Variants in KIAA1549L observed in about 807,000 individuals in gnomAD.
KIAA1549L encodes the protein UPF0606 protein KIAA1549L.
KIAA1549L carries 88 observed loss-of-function variants against 160.7 expected under a neutral mutation model. The ratio of observed to expected loss-of-function variants is 0.55; its 90% CI spans 0.46 to 0.65. KIAA1549L has a LOEUF of 0.65. Ranked by LOEUF, KIAA1549L falls within the 30% of genes least tolerant of loss-of-function variation. The probability of loss-of-function intolerance (pLI) is 0.00; values close to 1 mark genes in which losing one functional copy is unlikely to be tolerated. For synonymous variants in KIAA1549L, 950 were observed against 976.7 expected, an observed-to-expected ratio of 0.97 and a Z score of 0.51; for missense variants, 2,258 against 2,437.5, an observed-to-expected ratio of 0.93 and a Z score of 1.55.
At chr11:33,588,107 T>G (rs1307020617) in intron 11 of KIAA1549L, among the ~76,000 whole-genome samples, 1 of 152,212 alleles carries the variant, frequency 6.6e-6, no homozygotes, top group Non-Finnish European at 1.5e-5. Context: ...TGGGAACTCA[T>G]GATAATACCT....
At chr11:33,452,596 A>G (rs900659845) in intron 1 of KIAA1549L, among the ~76,000 whole-genome samples, 4 of 151,764 alleles carry the variant, frequency 2.6e-5, no homozygotes. Flanking sequence ...TGACAGAGTG[A>G]GACTCCATCT....
At chr11:33,647,160 C>T (rs967200575) in intron 17 of KIAA1549L, among the ~76,000 whole-genome samples, 4 of 151,956 alleles carry the variant, frequency 2.6e-5, no homozygotes, top group Non-Finnish European at 4.4e-5. Context: ...CAAGATGGGC[C>T]GATCACTTGA....
intron 9 of KIAA1549L, among the ~76,000 whole-genome samples, chr11:33,571,269 GAGACTCTGTGGTGACAGAGCA>G (rs1413761120): frequency 6.6e-6 from 1 of 152,170 alleles, no homozygotes; most frequent in African/African-American, 2.4e-5. Context: ...GTGACAGAGC[GAGACTCTGTGGTGACAGAGCA>G]AGACTGTCTC....
chr11:33,659,912 T>G (rs1852202547), intron 19 of KIAA1549L, among the ~76,000 whole-genome samples: 2 of 152,206 alleles, frequency 1.3e-5, no homozygotes, highest in Non-Finnish European at 2.9e-5. Flanking sequence ...GGTGGAGGTC[T>G]GCTGCTCCCC....
intron 16 of KIAA1549L, among the ~76,000 whole-genome samples, chr11:33,624,917 C>A (rs1851059087): frequency 8.4e-6 from 1 of 119,318 alleles, no homozygotes; most frequent in African/African-American, 3.1e-5. Flanking sequence ...CCTCCCCCCA[C>A]CCCACAACAG....
rs1851103776 is a variant in KIAA1549L, at chr11:33,626,064, A to G, written c.5409+7402A>G. ...TTCTCAGGTTTGTCAAAGATCAGAT[A>G]GTTGTAGATATGCGGCATGATTTCT... On this transcript the variant is annotated intron_variant, in intron 16 of 20. Coordinates refer to ENST00000658780, the MANE Select transcript of KIAA1549L (RefSeq NM_012194.3). Among the ~76,000 whole-genome samples the G allele has an allele frequency of 3.3e-5, 5 of 150,736 alleles. No homozygotes were observed. The South Asian group carries it at 1.0e-3, about 32-fold the overall frequency.
intron 20 of KIAA1549L, among the ~76,000 whole-genome samples, chr11:33,662,290 A>G (rs777018520): frequency 1.3e-5 from 2 of 152,164 alleles, no homozygotes; most frequent in Non-Finnish European, 2.9e-5. Context: ...CACATCTAGT[A>G]ATATGCCCAC....
chr11:33,659,552 T>C (rs2133443228), intron 19 of KIAA1549L, among the ~76,000 whole-genome samples: 1 of 152,366 alleles, frequency 6.6e-6, no homozygotes, highest in African/African-American at 2.4e-5. Flanking sequence ...AAATGAACAT[T>C]GAGGTTTGTA....
Position 33,559,958 on chromosome 11 carries a change from C to G in KIAA1549L, c.4018+47C>G, listed in dbSNP as rs1287157125. ...GGGACCCCAGTGTTTCCCCTGTGGC[C>G]TTTCTCCATTTAGCAAACATTTATA... On this transcript the variant is annotated intron_variant, in intron 7 of 20. Transcript: ENST00000658780. 6.4e-6 allele frequency: 10 copies of G among 1,571,904 alleles called. No individual in the cohort carries two copies. The Admixed American group carries it at 1.5e-4, about 24-fold the overall frequency.
At chr11:33,615,686 T>C (rs2133343701) in intron 15 of KIAA1549L, among the ~76,000 whole-genome samples, 1 of 152,198 alleles carries the variant, frequency 6.6e-6, no homozygotes, top group Middle Eastern at 3.4e-3. Context: ...GTCGACACTT[T>C]TACCTACATT....
intron 6 of KIAA1549L, among the ~76,000 whole-genome samples, chr11:33,552,653 AACACACACACACACAC>A (rs761358417): frequency 6.0e-4 from 79 of 131,518 alleles, no homozygotes; most frequent in African/African-American, 1.5e-3. Flanking sequence ...GACACATGCC[AACACACACACACACAC>A]ACACACACAC....
At chr11:33,637,508 GGCTTCA>G (rs1851467933) in intron 16 of KIAA1549L, among the ~76,000 whole-genome samples, 1 of 152,146 alleles carries the variant, frequency 6.6e-6, no homozygotes, top group South Asian at 2.1e-4. Context: ...TGACAATTAG[GGCTTCA>G]GCTACAAGGT....
At chr11:33,403,354 C>G (rs1379510382) in intron 1 of KIAA1549L, 55 of 61,676 alleles carry the variant, frequency 8.9e-4, no homozygotes, top group African/African-American at 3.0e-3. Context: ...CGCAGACAGA[C>G]ACACACAGAC....
At position 33,647,147 on chromosome 11, in the gene KIAA1549L, G is replaced by A. The variant is rs527311129; in HGVS notation, c.5760+1111G>A. Among the ~76,000 whole-genome samples, 194 of 152,232 alleles carry A rather than the reference G, an allele frequency of 1.3e-3. 1 individual carries two copies. Among genetic ancestry groups the A allele is most frequent in the Admixed American group, 1.4e-3 (22 of 15,288 alleles). On this transcript the variant is annotated intron_variant, in intron 17 of 20. Transcript: ENST00000658780. Reference sequence around the variant, plus strand: ...CACCTATAATCCCAGCACTTTGGGAGGCCAAGATGGGCCGATCACTTGAGC... The same window carrying A: ...CACCTATAATCCCAGCACTTTGGGAAGCCAAGATGGGCCGATCACTTGAGC...
chr11:33,558,205 CAG>C lies in KIAA1549L; in HGVS notation c.3856-1543_3856-1542del, dbSNP rs1177968007. ...GGTCTGGGAAAGACAGGGTGTTAGTCAGTGTCCTGACAGGAAAAGGAGGCTGC... is the reference window on the plus strand; with the variant it reads ...GGTCTGGGAAAGACAGGGTGTTAGTCTGTCCTGACAGGAAAAGGAGGCTGC... On this transcript the variant is annotated intron_variant, in intron 6 of 20. Coordinates refer to ENST00000658780, the MANE Select transcript of KIAA1549L (RefSeq NM_012194.3). Among the ~76,000 whole-genome samples the C allele has an allele frequency of 1.1e-4, 17 of 152,112 alleles. 1 individual carries two copies. The highest frequency in any genetic ancestry group is 1.1e-3 in the Admixed American group (17 of 15,272).
intron 18 of KIAA1549L, 38 bp from the exon 19 acceptor site, chr11:33,658,712 C>T (rs1852153720): frequency 6.4e-7 from 1 of 1,556,154 alleles, no homozygotes; most frequent in Non-Finnish European, 8.7e-7. Flanking sequence ...CGCCTGAGGT[C>T]TGGGACAGTG....
At chr11:33,400,977 T>C (rs1377463461) in intron 1 of KIAA1549L, among the ~76,000 whole-genome samples, 10 of 152,132 alleles carry the variant, frequency 6.6e-5, no homozygotes, top group Non-Finnish European at 1.5e-4. Flanking sequence ...TGTGCTCCTG[T>C]CCACTGCTAA....
chr11:33,670,674 TGA>T lies in KIAA1549L; in HGVS notation c.*2527_*2528del, dbSNP rs922236286. 9.9e-5 allele frequency: 15 copies of T among 152,160 alleles called. No homozygotes were observed. Among genetic ancestry groups the T allele is most frequent in the Middle Eastern group, 3.4e-3 (1 of 294 alleles). The allele number at this position is 152,160 out of a possible 1,614,324, so 9.4% of individuals were successfully genotyped here. A position where few individuals can be genotyped will look rare whatever the true frequency, so the allele number is the denominator to read the frequency against. On this transcript the variant is annotated 3_prime_UTR_variant, in exon 21 of 21. Coordinates refer to ENST00000658780, the MANE Select transcript of KIAA1549L (RefSeq NM_012194.3). ...GAAGAATCTCCTAACCTCATAGAGG[TGA>T]GAGAGATGACTGGACAGCTGACTCT...
At chr11:33,391,357 C>T (rs1397313774) in intron 1 of KIAA1549L, among the ~76,000 whole-genome samples, 1 of 152,182 alleles carries the variant, frequency 6.6e-6, no homozygotes, top group African/African-American at 2.4e-5. Context: ...ATCATGTCAT[C>T]ATGTTTCAAA....
Sources: gnomAD v4.1 joint callset for allele counts (sites outside exome capture counted in the v4.1 genomes callset) on GRCh38, gnomAD v4.1.1 for gene constraint, MANE v1.5 for transcripts, NCBI Gene and HGNC (gene_info 2026-07-23, HGNC 2026-07-21) for gene names.